The following EYS variants were observed in gnomAD, a reference collection of about 807,000 sequenced individuals.
EYS encodes the protein EGF-like photoreceptor maintenance factor.
Under a neutral mutation model 282.1 loss-of-function variants are expected in EYS, and 250 were observed. The ratio of observed to expected loss-of-function variants is 0.89; its 90% CI spans 0.80 to 0.98. EYS has a LOEUF of 0.98. EYS is among the 50% of genes least tolerant of loss of function. The pLI is 0.00. For synonymous variants in EYS, 1,355 were observed against 1,282.9 expected, an observed-to-expected ratio of 1.06 and a Z score of -1.20; for missense variants, 4,016 against 3,709.0, an observed-to-expected ratio of 1.08 and a Z score of -2.15.
intron 35 of EYS, among the ~76,000 whole-genome samples, chr6:63,974,981 GA>G (rs1479246799): frequency 1.3e-5 from 2 of 151,668 alleles, no homozygotes; most frequent in East Asian, 3.9e-4. Context: ...TCAAATATGT[GA>G]TCCACTTTTA....
At chr6:64,189,131 G>C (rs1382624687) in intron 31 of EYS, among the ~76,000 whole-genome samples, 1 of 121,582 alleles carries the variant, frequency 8.2e-6, no homozygotes, top group Non-Finnish European at 1.9e-5. Context: ...CCTGTTTTGA[G>C]AATAGCTGTC....
At chr6:63,865,225 T>C (rs1284282152) in intron 35 of EYS, among the ~76,000 whole-genome samples, 1 of 152,226 alleles carries the variant, frequency 6.6e-6, no homozygotes, top group Non-Finnish European at 1.5e-5. Flanking sequence ...GCTACACTGG[T>C]AATTGATGGT....
At chr6:64,899,687 T>G (rs1350053411) in intron 18 of EYS, among the ~76,000 whole-genome samples, 1 of 151,956 alleles carries the variant, frequency 6.6e-6, no homozygotes, top group East Asian at 1.9e-4. Flanking sequence ...TTGATGAACC[T>G]CTTCAAGGGG....
intron 33 of EYS, among the ~76,000 whole-genome samples, chr6:64,025,368 G>A (rs192740758): frequency 3.6e-4 from 55 of 152,118 alleles, no homozygotes; most frequent in Admixed American, 1.3e-4. Flanking sequence ...AGCCATGAGC[G>A]GAACTCTCAA....
chr6:65,206,336 C>G (rs1469449545), intron 12 of EYS, among the ~76,000 whole-genome samples: 2 of 151,212 alleles, frequency 1.3e-5, no homozygotes, highest in Non-Finnish European at 3.0e-5. Flanking sequence ...AAAATTGAAC[C>G]AAGCAGAAAT....
chr6:64,940,436 T>C lies in EYS; in HGVS notation c.2381+5357A>G, dbSNP rs540562861. Among the ~76,000 whole-genome samples, 131 of 152,154 alleles carry C rather than the reference T, an allele frequency of 8.6e-4. 4 individuals are homozygous for C. The South Asian group carries it at 0.025, about 29-fold the overall frequency. ...AATGAAAGAAATACTAGAAAATTTA[T>C]AGTACATATTATAGGTTATAATTAA... On this transcript the variant is annotated intron_variant, in intron 15 of 42. Coordinates refer to ENST00000503581, the MANE Select transcript of EYS (RefSeq NM_001142800.2).
intron 29 of EYS, among the ~76,000 whole-genome samples, chr6:64,355,730 A>G (rs1188097554): frequency 6.6e-6 from 1 of 151,608 alleles, no homozygotes; most frequent in Non-Finnish European, 1.5e-5. Context: ...TCCTGTGCAC[A>G]AGACAGATGA....
At chr6:64,044,563 T>G (rs1444418690) in intron 33 of EYS, among the ~76,000 whole-genome samples, 15 of 152,260 alleles carry the variant, frequency 9.9e-5, no homozygotes, top group Admixed American at 9.8e-4. Context: ...TGAATAATTC[T>G]GTGCAGCTCC....
chr6:64,287,080 C>A (rs1289537114), intron 30 of EYS, among the ~76,000 whole-genome samples: 1 of 152,044 alleles, frequency 6.6e-6, no homozygotes, highest in Non-Finnish European at 1.5e-5. Context: ...ACTGAAATAA[C>A]AGGTTAGTTC....
intron 35 of EYS, among the ~76,000 whole-genome samples, chr6:63,908,350 A>C (rs1051120843): frequency 6.6e-6 from 1 of 152,144 alleles, no homozygotes; most frequent in African/African-American, 2.4e-5. Flanking sequence ...GAATACTTAT[A>C]CACTTTTGGT....
chr6:64,050,240 T>C (rs546030304), intron 33 of EYS, among the ~76,000 whole-genome samples: 1 of 152,274 alleles, frequency 6.6e-6, no homozygotes, highest in South Asian at 2.1e-4. Context: ...CTCTTTGGAA[T>C]TCTCTCCTGA....
intron 33 of EYS, among the ~76,000 whole-genome samples, chr6:64,060,827 G>A (rs566712028): frequency 6.6e-6 from 1 of 152,228 alleles, no homozygotes; most frequent in South Asian, 2.1e-4. Context: ...CTTGACATAT[G>A]TTTGGGTTTT....
chr6:64,992,266 A>G (rs1307891136), intron 14 of EYS, among the ~76,000 whole-genome samples: 1 of 151,916 alleles, frequency 6.6e-6, no homozygotes, highest in East Asian at 1.9e-4. Context: ...TTGTATGAAT[A>G]CTATAAGAAG....
intron 33 of EYS, among the ~76,000 whole-genome samples, chr6:64,018,364 T>TTTTG (rs575936215): frequency 4.9e-4 from 75 of 152,214 alleles, no homozygotes; most frequent in African/African-American, 1.7e-3. Context: ...TCAGGGGTTT[T>TTTTG]TTGTTGTTGT....
intron 8 of EYS, among the ~76,000 whole-genome samples, chr6:65,354,026 T>A (rs1331087033): frequency 6.6e-6 from 1 of 152,144 alleles, no homozygotes. Flanking sequence ...TTGCTATCAT[T>A]TGAAAATAGT....
chr6:64,586,284 TCTAGAA>T (rs1287861750), intron 26 of EYS, among the ~76,000 whole-genome samples: 1 of 152,098 alleles, frequency 6.6e-6, no homozygotes, highest in Admixed American at 6.6e-5. Flanking sequence ...GGAACCTTGA[TCTAGAA>T]CTTACCAGTC....
intron 35 of EYS, among the ~76,000 whole-genome samples, chr6:63,946,923 G>A (rs1765415648): frequency 6.6e-6 from 1 of 151,540 alleles, no homozygotes; most frequent in Admixed American, 6.6e-5. Flanking sequence ...TGGTATGTAT[G>A]TATCAAAATA....
At position 63,986,852 on chromosome 6, in the gene EYS, A is replaced by G. The variant is rs1249263432; in HGVS notation, c.6835-2249T>C. On this transcript the variant is annotated intron_variant, in intron 34 of 42. Transcript: ENST00000503581. ...TGCTGGGCTTAATTCCCAGGTGATG[A>G]AATAATCTGTACAACAAAACATCAT... is the stretch of plus-strand genomic sequence containing the variant. Among the ~76,000 whole-genome samples the G allele has an allele frequency of 2.0e-5, 3 of 151,674 alleles. No homozygotes were observed. In the East Asian group the frequency reaches 5.8e-4, roughly 29 times the overall value.
At chr6:65,350,761 C>T (rs1770568537) in intron 9 of EYS, among the ~76,000 whole-genome samples, 1 of 151,690 alleles carries the variant, frequency 6.6e-6, no homozygotes, top group Admixed American at 6.6e-5. Context: ...TCAGCTCTTT[C>T]TCAAGATGTG....
Sources: allele counts gnomAD v4.1 joint callset (sites outside exome capture counted in the v4.1 genomes callset), GRCh38; gene constraint gnomAD v4.1.1; transcripts MANE v1.5; gene names NCBI Gene and HGNC (gene_info 2026-07-23, HGNC 2026-07-21).